The following TCF7L1 variants were observed in gnomAD, a reference collection of about 807,000 sequenced individuals.
The protein encoded by TCF7L1 is transcription factor 7 like 1.
Under a neutral mutation model 63.7 loss-of-function variants are expected in TCF7L1, and 18 were observed. The observed-to-expected ratio is 0.28, with a 90% CI of 0.20 to 0.42. The LOEUF is 0.42. Ranked by LOEUF, TCF7L1 falls within the 10% of genes least tolerant of loss-of-function variation. The probability of loss-of-function intolerance (pLI) is 1.00; values close to 1 mark genes in which losing one functional copy is unlikely to be tolerated. For missense variants in TCF7L1, 654 were observed against 779.3 expected, an observed-to-expected ratio of 0.84 and a Z score of 1.91; for synonymous variants, 355 against 340.9, an observed-to-expected ratio of 1.04 and a Z score of -0.46.
At chr2:85,167,986 T>C (rs1425272579) in intron 3 of TCF7L1, among the ~76,000 whole-genome samples, 1 of 152,182 alleles carries the variant, frequency 6.6e-6, no homozygotes, top group African/African-American at 2.4e-5. Context: ...TCTGCCTGTA[T>C]GTGGGATCGA....
chr2:85,233,016 C>G (rs1427457897), intron 3 of TCF7L1: 2 of 152,358 alleles, frequency 1.3e-5, no homozygotes, highest in South Asian at 2.1e-4. Context: ...ACTGCAGCCT[C>G]GACCTCCTGG....
In TCF7L1 at chr2:85,148,105, A is replaced by G. The variant is rs189381990; in HGVS notation, c.441+13655A>G. On this transcript the variant is annotated intron_variant, in intron 3 of 11. Transcript: ENST00000282111. ...TACAACATAAGCTTTTTTTGTTATA[A>G]AATCCTTGTTAGGGAGAGTGAGACG... 3.9e-5 allele frequency among the ~76,000 whole-genome samples: 6 copies of G among 152,286 alleles called. No individual in the cohort carries two copies. The South Asian group carries it at 6.2e-4, about 16-fold the overall frequency.
intron 11 of TCF7L1, 42 bp downstream of exon 11, chr2:85,307,759 T>C (rs1246238783): frequency 6.4e-7 from 1 of 1,570,926 alleles, no homozygotes; most frequent in Non-Finnish European, 8.8e-7. Context: ...CTTTTCCTTT[T>C]GTCACAGCCA....
At chr2:85,224,801 A>G (rs189397910) in intron 3 of TCF7L1, among the ~76,000 whole-genome samples, 78 of 152,250 alleles carry the variant, frequency 5.1e-4, no homozygotes, top group African/African-American at 1.8e-3. Context: ...CCATTTGTCA[A>G]TTTTGGCTTT....
intron 3 of TCF7L1, among the ~76,000 whole-genome samples, chr2:85,269,176 T>C (rs1681085714): frequency 6.6e-6 from 1 of 152,174 alleles, no homozygotes; most frequent in Non-Finnish European, 1.5e-5. Context: ...CATCCACAAC[T>C]GGCAGTAGCC....
At chr2:85,267,203 G>A (rs968557829) in intron 3 of TCF7L1, among the ~76,000 whole-genome samples, 5 of 151,898 alleles carry the variant, frequency 3.3e-5, no homozygotes, top group African/African-American at 1.2e-4. Flanking sequence ...AGCTGGGTGT[G>A]CACCTGTATT....
chr2:85,267,330 CAAAA>C (rs1217663362), intron 3 of TCF7L1, among the ~76,000 whole-genome samples: 2 of 44,178 alleles, frequency 4.5e-5, no homozygotes, highest in Non-Finnish European at 9.0e-5. Context: ...GGCTCTGTCT[CAAAA>C]AAAAAAAAAA....
At chr2:85,228,893 C>T (rs1458545950) in intron 3 of TCF7L1, among the ~76,000 whole-genome samples, 9 of 150,840 alleles carry the variant, frequency 6.0e-5, no homozygotes, top group Admixed American at 3.3e-4. Context: ...GGGTGGTGGG[C>T]GCCTGCAGTC....
At chr2:85,196,486 G>A (rs1195045014) in intron 3 of TCF7L1, among the ~76,000 whole-genome samples, 1 of 151,854 alleles carries the variant, frequency 6.6e-6, no homozygotes, top group Non-Finnish European at 1.5e-5. Context: ...GAGCTTGGAT[G>A]ATTTGGAATG....
intron 3 of TCF7L1, among the ~76,000 whole-genome samples, chr2:85,163,558 T>C (rs1678337015): frequency 6.6e-6 from 1 of 152,222 alleles, no homozygotes; most frequent in African/African-American, 2.4e-5. Flanking sequence ...GATTTCCTTG[T>C]TTCAGGCCAT....
chr2:85,153,850 A>G (rs1678078948), intron 3 of TCF7L1, among the ~76,000 whole-genome samples: 1 of 152,214 alleles, frequency 6.6e-6, no homozygotes, highest in South Asian at 2.1e-4. Flanking sequence ...CTGTTGATTT[A>G]CATTTCCCTC....
chr2:85,266,931 C>G (rs1283495872), intron 3 of TCF7L1, among the ~76,000 whole-genome samples: 1 of 152,246 alleles, frequency 6.6e-6, no homozygotes, highest in Non-Finnish European at 1.5e-5. Context: ...TCCTCCGTGA[C>G]CTTGGTGGGA....
At chr2:85,281,563 G>A (rs1231498072) in intron 3 of TCF7L1, among the ~76,000 whole-genome samples, 1 of 152,216 alleles carries the variant, frequency 6.6e-6, no homozygotes, top group East Asian at 1.9e-4. Context: ...GGTAGGGCAA[G>A]GGATGGGTGG....
intron 3 of TCF7L1, among the ~76,000 whole-genome samples, chr2:85,171,975 G>A (rs1349375248): frequency 2.6e-5 from 4 of 151,808 alleles, no homozygotes; most frequent in East Asian, 1.9e-4. Flanking sequence ...CTGAGTCCTC[G>A]TAGACCTTGG....
chr2:85,170,654 G>C (rs1157656508), intron 3 of TCF7L1, among the ~76,000 whole-genome samples: 1 of 152,082 alleles, frequency 6.6e-6, no homozygotes, highest in Non-Finnish European at 1.5e-5. Context: ...GCTAATTGGA[G>C]AAACTTCTGT....
chr2:85,299,972 G>A (rs1022474675), intron 4 of TCF7L1, among the ~76,000 whole-genome samples: 1 of 151,564 alleles, frequency 6.6e-6, no homozygotes. Context: ...TTAGGATGGT[G>A]CAGTTATGTT....
At chr2:85,285,468 G>A (rs1681523752) in intron 4 of TCF7L1, among the ~76,000 whole-genome samples, 1 of 152,070 alleles carries the variant, frequency 6.6e-6, no homozygotes, top group Non-Finnish European at 1.5e-5. Context: ...AGGCAAGGAT[G>A]ACAGTGGAAG....
chr2:85,159,582 C>G (rs1271088960), intron 3 of TCF7L1, among the ~76,000 whole-genome samples: 1 of 152,232 alleles, frequency 6.6e-6, no homozygotes, highest in Non-Finnish European at 1.5e-5. Flanking sequence ...CTGGTGCCTT[C>G]CAGACCAGTG....
In TCF7L1 at chr2:85,215,774, G is replaced by T. The variant is rs576419571; in HGVS notation, c.442-67721G>T. Reference sequence around the variant, plus strand: ...AGGCTGCTGGGGTGGGGGTGGGGGGGGGTGAGGGGGGTGGTGAGGTTTGTT... The same window carrying T: ...AGGCTGCTGGGGTGGGGGTGGGGGGTGGTGAGGGGGGTGGTGAGGTTTGTT... On this transcript the variant is annotated intron_variant, in intron 3 of 11. Coordinates refer to ENST00000282111, the MANE Select transcript of TCF7L1 (RefSeq NM_031283.3). 5.3e-4 allele frequency among the ~76,000 whole-genome samples: 72 copies of T among 134,684 alleles called. 1 individual carries two copies. The South Asian group carries it at 0.014, about 26-fold the overall frequency. 88.4% of individuals were successfully genotyped at this position (134,684 alleles called of 152,430 possible).
Sources: gnomAD v4.1 joint callset for allele counts (sites outside exome capture counted in the v4.1 genomes callset) on GRCh38, gnomAD v4.1.1 for gene constraint, MANE v1.5 for transcripts, NCBI Gene and HGNC (gene_info 2026-07-23, HGNC 2026-07-21) for gene names.